The following NOC3L variants were observed in gnomAD, a reference collection of about 807,000 sequenced individuals.
NOC3L encodes the protein nucleolar complex protein 3 homolog.
A neutral mutation model predicts 102.5 loss-of-function variants in NOC3L; 85 were observed. The observed-to-expected ratio is 0.83, with a 90% confidence interval of 0.70 to 0.99. The LOEUF (loss-of-function observed/expected upper bound fraction) is 0.99, where lower values mean the gene tolerates loss of function less well. NOC3L is among the 50% of genes least tolerant of loss of function. The probability of loss-of-function intolerance (pLI) is 0.00; values close to 1 mark genes in which losing one functional copy is unlikely to be tolerated. For synonymous variants in NOC3L, 303 were observed against 309.4 expected (o/e 0.98, Z 0.22); for missense variants, 878 against 914.9 (o/e 0.96, Z 0.52).
the NOC3L span, among the ~76,000 whole-genome samples, chr10:94,319,750 T>C: frequency 6.6e-6 from 1 of 151,924 alleles, no homozygotes; most frequent in Non-Finnish European, 1.5e-5. Flanking sequence ...CAACAATGCT[T>C]AGTAAAAAGG....
At chr10:94,325,280 T>C in the NOC3L span, 2 of 595,540 alleles carry the variant, frequency 3.4e-6, no homozygotes, top group Non-Finnish European at 6.0e-6. Flanking sequence ...TAACATGATA[T>C]GCTATTGAAC....
intron 19 of NOC3L, 91 bp from the exon 20 acceptor site, chr10:94,334,809 A>G: frequency 1.1e-6 from 1 of 900,490 alleles, no homozygotes; most frequent in Non-Finnish European, 1.8e-6. Context: ...ATTCATTCTT[A>G]ACCCATATAT....
the NOC3L span, chr10:94,324,573 G>A: frequency 6.2e-7 from 1 of 1,607,786 alleles, no homozygotes; most frequent in Non-Finnish European, 8.5e-7. Flanking sequence ...TGCAGGTAAA[G>A]TTTAAAGTTA....
At chr10:94,361,893 T>C (rs2054555955) in intron 1 of NOC3L, 21 bp from the exon 2 acceptor site, 5 of 1,523,744 alleles carry the variant, frequency 3.3e-6, no homozygotes, top group Admixed American at 3.4e-5. Flanking sequence ...ACAGAAAGAA[T>C]ACTGCATACC....
intron 2 of NOC3L, 74 bp from the exon 3 acceptor site, chr10:94,358,289 G>T (rs2054512496): frequency 2.4e-6 from 2 of 823,372 alleles, no homozygotes; most frequent in East Asian, 4.9e-5. Flanking sequence ...CTGCATTTTG[G>T]GTTTAAACAG....
At chr10:94,362,797 G>C in intron 1 of NOC3L, 33 bp downstream of exon 1, 1 of 1,613,804 alleles carries the variant, frequency 6.2e-7, no homozygotes, top group Non-Finnish European at 8.5e-7. Flanking sequence ...AGGGGCCCTA[G>C]GCCGCGGCGA....
chr10:94,334,024 T>C lies in NOC3L; in HGVS notation c.*153A>G, dbSNP rs1480782636. 3.8e-6 allele frequency: 2 copies of C among 529,200 alleles called. No individual in the cohort carries two copies. Among genetic ancestry groups the C allele is most frequent in the African/African-American group, 1.9e-5 (1 of 51,660 alleles). The allele number at this position is 529,200 out of a possible 1,614,324, so 32.8% of individuals were successfully genotyped here. On this transcript the variant is annotated 3_prime_UTR_variant, in exon 21 of 21. Coordinates refer to ENST00000371361, the MANE Select transcript of NOC3L (RefSeq NM_022451.11). The stretch of plus-strand genomic sequence containing the variant: ...CATATTCAGAATAGGGGCAGAACCC[T>C]GTGCCATGCAAAGGGTCATTCTTCC...
At chr10:94,334,807 T>TC in intron 19 of NOC3L, 89 bp from the exon 20 acceptor site, 2 of 915,110 alleles carry the variant, frequency 2.2e-6, no homozygotes, top group Non-Finnish European at 3.5e-6. Context: ...TGATTCATTC[T>TC]TAACCCATAT....
At chr10:94,318,479 T>C in the NOC3L span, among the ~76,000 whole-genome samples, 2 of 152,186 alleles carry the variant, frequency 1.3e-5, no homozygotes, top group Non-Finnish European at 2.9e-5. Context: ...ATGGAAACCA[T>C]TTTACACTTA....
chr10:94,343,817 TTTC>T (rs1338115762), intron 13 of NOC3L, among the ~76,000 whole-genome samples: 3 of 152,310 alleles, frequency 2.0e-5, no homozygotes, highest in Non-Finnish European at 4.4e-5. Context: ...ATTTCACCTG[TTTC>T]TTTTTATCTT....
chr10:94,315,180 C>T, the NOC3L span: 1 of 302,496 alleles, frequency 3.3e-6, no homozygotes, highest in Admixed American at 4.2e-5. Context: ...AGCATTTCAT[C>T]ATTTATAGAC....
chr10:94,349,762 T>G (rs1179133820), intron 9 of NOC3L, among the ~76,000 whole-genome samples: 1 of 151,366 alleles, frequency 6.6e-6, no homozygotes, highest in Non-Finnish European at 1.5e-5. Context: ...TTTTATTCAT[T>G]TATTTATTTT....
At chr10:94,316,352 T>C in the NOC3L span, among the ~76,000 whole-genome samples, 1 of 152,218 alleles carries the variant, frequency 6.6e-6, no homozygotes, top group Non-Finnish European at 1.5e-5. Context: ...GAATAAGTTG[T>C]GCCGTTGCCC....
intron 11 of NOC3L, among the ~76,000 whole-genome samples, chr10:94,346,150 A>G (rs1414411850): frequency 6.6e-6 from 1 of 152,222 alleles, no homozygotes; most frequent in African/African-American, 2.4e-5. Context: ...TCTGTGTATC[A>G]TAACTCTAAA....
At chr10:94,340,905 CG>C (rs2054276229) in intron 14 of NOC3L, among the ~76,000 whole-genome samples, 1 of 150,148 alleles carries the variant, frequency 6.7e-6, no homozygotes, top group Admixed American at 6.7e-5. Flanking sequence ...GGTGTGAACC[CG>C]GGAGGCGGAG....
At chr10:94,339,473 T>G (rs550308817) in intron 17 of NOC3L, among the ~76,000 whole-genome samples, 9 of 152,348 alleles carry the variant, frequency 5.9e-5, no homozygotes, top group African/African-American at 2.2e-4. Flanking sequence ...TCTATGTGTA[T>G]GTGTTTATAT....
chr10:94,352,412 A>G lies in NOC3L; in HGVS notation c.859-9T>C. On this transcript the variant is annotated splice_polypyrimidine_tract_variant and intron_variant, in intron 7 of 20. Coordinates refer to ENST00000371361, the MANE Select transcript of NOC3L (RefSeq NM_022451.11). ...TGGGTTTCTTTTCGGGTCTGAAAAG[A>G]CCAAAAAGGTCAATCATTTTTTAAA... 6.3e-7 allele frequency: 1 copy of G among 1,580,292 alleles called. No individual in the cohort carries two copies. Among genetic ancestry groups the G allele is most frequent in the Non-Finnish European group, 8.7e-7 (1 of 1,154,666 alleles).
At chr10:94,324,008 G>A in the NOC3L span, among the ~76,000 whole-genome samples, 8 of 152,290 alleles carry the variant, frequency 5.3e-5, no homozygotes, top group Non-Finnish European at 1.0e-4. Context: ...GTCTGTGAGC[G>A]CTGGTACATG....
Position 94,340,510 on chromosome 10 carries a change from A to AG in NOC3L, c.1645-15dup, listed in dbSNP as rs112584680. On this transcript the variant is annotated splice_polypyrimidine_tract_variant and intron_variant, in intron 14 of 20. Transcript: ENST00000371361. ...ATAGCTTAGGTCCTTTAAAAAAAAA[A>AG]GGGGGGGGTGAGGGGGATGGAATAT... The AG allele has an allele frequency of 6.2e-4, 446 of 716,300 alleles. 1 individual carries two copies. The highest frequency in any genetic ancestry group is 2.7e-3 in the African/African-American group (130 of 48,906). 44.4% of individuals were successfully genotyped at this position (716,300 alleles called of 1,614,324 possible).
Sources: allele counts gnomAD v4.1 joint callset (sites outside exome capture counted in the v4.1 genomes callset), GRCh38; gene constraint gnomAD v4.1.1; transcripts MANE v1.5; gene names NCBI Gene and HGNC (gene_info 2026-07-23, HGNC 2026-07-21).